MYZAP: variants seen among roughly 807,000 people sequenced by gnomAD.
MYZAP encodes the protein GRINL1A complex locus upstream.
MYZAP carries 66 observed loss-of-function variants against 69.4 expected under a neutral mutation model. That is an observed-to-expected ratio of 0.95 (90% CI 0.78 to 1.17). The LOEUF is 1.17. Among genes scored for constraint, MYZAP ranks in the 50% most tolerant of loss-of-function variants. The pLI is 0.00. For missense variants in MYZAP, 611 were observed against 556.2 expected (o/e 1.10, Z -0.99); for synonymous variants, 256 against 205.9 (o/e 1.24, Z -2.09).
In MYZAP at chr15:57,637,740, A is replaced by G; in HGVS notation, c.979A>G (p.Met327Val). 6.2e-7 allele frequency: 1 copy of G among 1,612,878 alleles called. No homozygotes were observed. Among genetic ancestry groups the G allele is most frequent in the Non-Finnish European group, 8.5e-7 (1 of 1,179,442 alleles). ...TCAACTCCTAGAACATGAAACAGAA[A>G]TGTCTGGGGAGTTAACTGATTCTGA... ...QLQLLEHETE[M>V]SGELTDSDKE... The change falls in exon 9 of 13, where the codon ATG becomes GTG. Residue 327 changes from methionine to valine, a missense_variant. Physicochemically the swap from Met to Val is conservative, Grantham distance 21. Transcript: ENST00000267853.
intron 2 of MYZAP, among the ~76,000 whole-genome samples, chr15:57,616,821 G>GTTTTTTTTTTTTTT (rs1595870389): frequency 5.6e-5 from 3 of 53,318 alleles, no homozygotes; most frequent in African/African-American, 9.0e-5. Flanking sequence ...AAAAAAAAGT[G>GTTTTTTTTTTTTTT]CTTTTTTTTT....
At chr15:57,647,820 T>G (rs2037519455) in intron 10 of MYZAP, 1 of 985,290 alleles carries the variant, frequency 1.0e-6, no homozygotes, top group Admixed American at 6.2e-5. Flanking sequence ...CTCAGCCTGC[T>G]CTTGTCTGCC....
At chr15:57,677,415 G>A (rs1166220634) in intron 12 of MYZAP, among the ~76,000 whole-genome samples, 1 of 152,188 alleles carries the variant, frequency 6.6e-6, no homozygotes, top group Non-Finnish European at 1.5e-5. Flanking sequence ...GTGATTCACT[G>A]GAAGCCACAT....
intron 10 of MYZAP, among the ~76,000 whole-genome samples, chr15:57,653,832 C>T (rs7167650): frequency 6.6e-6 from 1 of 151,734 alleles, no homozygotes; most frequent in African/African-American, 2.4e-5. Flanking sequence ...TAGCGAGACC[C>T]TGTCTCTACA....
In MYZAP at chr15:57,662,576, G is replaced by A. The variant is rs550089399; in HGVS notation, c.1203+1043G>A. Among the ~76,000 whole-genome samples the A allele has an allele frequency of 1.5e-4, 23 of 152,346 alleles. No individual in the cohort carries two copies. The South Asian group carries it at 4.8e-3, about 32-fold the overall frequency. On this transcript the variant is annotated intron_variant, in intron 11 of 12. Coordinates refer to ENST00000267853, the MANE Select transcript of MYZAP (RefSeq NM_001018100.5). The stretch of plus-strand genomic sequence containing the variant: ...ATAACTGTGCTATGTGTGGGTGACA[G>A]TGAAATCAGAATGTATAGAAGGTGC...
chr15:57,646,353 G>T (rs1236308535), intron 10 of MYZAP: 27 of 1,180,508 alleles, frequency 2.3e-5, no homozygotes, highest in Non-Finnish European at 2.9e-5. Flanking sequence ...ACCATGTGGG[G>T]CTCTTGTTTG....
intron 5 of MYZAP, 49 bp downstream of exon 5, chr15:57,625,941 G>C (rs750443938): frequency 1.3e-6 from 2 of 1,526,834 alleles, no homozygotes; most frequent in East Asian, 4.5e-5. Flanking sequence ...TTAATCAAGA[G>C]TGGGGACTGT....
chr15:57,683,398 G>T (rs1347982435), intron 12 of MYZAP, among the ~76,000 whole-genome samples: 2 of 152,110 alleles, frequency 1.3e-5, no homozygotes, highest in Non-Finnish European at 2.9e-5. Flanking sequence ...AAAGAAGAAT[G>T]CCCAGCACAG....
intron 9 of MYZAP, among the ~76,000 whole-genome samples, chr15:57,638,869 C>G (rs1328266502): frequency 6.6e-6 from 1 of 152,152 alleles, no homozygotes; most frequent in African/African-American, 2.4e-5. Context: ...GTCCTCCCCT[C>G]CAAGTAATTT....
intron 10 of MYZAP, among the ~76,000 whole-genome samples, chr15:57,649,412 T>A (rs570573601): frequency 1.8e-4 from 27 of 152,334 alleles, no homozygotes; most frequent in Non-Finnish European, 3.5e-4. Flanking sequence ...TCTCATTGTT[T>A]TCATCTTAAT....
chr15:57,633,854 TAA>T (rs150236562), intron 8 of MYZAP, 113 bp downstream of exon 8: 200 of 1,040,410 alleles, frequency 1.9e-4, no homozygotes, highest in South Asian at 3.7e-4. Flanking sequence ...AATTTGCAAT[TAA>T]AAAAAAAAAG....
chr15:57,606,745 A>G (rs1226970924), intron 2 of MYZAP, among the ~76,000 whole-genome samples: 4 of 152,238 alleles, frequency 2.6e-5, no homozygotes, highest in African/African-American at 4.8e-5. Flanking sequence ...AAAATAAAAT[A>G]AAAGATATAC....
intron 1 of MYZAP, among the ~76,000 whole-genome samples, chr15:57,601,619 G>A (rs1173366479): frequency 6.6e-6 from 1 of 152,102 alleles, no homozygotes; most frequent in Non-Finnish European, 1.5e-5. Flanking sequence ...AAGGTTGCTT[G>A]TAAAGTTGGC....
At chr15:57,682,800 C>T (rs2039510513) in intron 12 of MYZAP, among the ~76,000 whole-genome samples, 1 of 152,184 alleles carries the variant, frequency 6.6e-6, no homozygotes, top group Non-Finnish European at 1.5e-5. Context: ...GTGTGCTCAC[C>T]CATCTCTGCC....
chr15:57,608,435 C>G (rs148414500), intron 2 of MYZAP, among the ~76,000 whole-genome samples: 105 of 152,330 alleles, frequency 6.9e-4, no homozygotes, highest in African/African-American at 2.5e-3. Flanking sequence ...TCAGCACCTT[C>G]TTATGGAGTC....
chr15:57,603,784 G>C (rs757593714), intron 1 of MYZAP, among the ~76,000 whole-genome samples: 6 of 152,112 alleles, frequency 3.9e-5, no homozygotes, highest in Non-Finnish European at 7.4e-5. Context: ...GGATAATGCT[G>C]CTATGAACAT....
rs191929452 is a variant in MYZAP, at chr15:57,611,378, A to G, written c.163-6655A>G. Among the ~76,000 whole-genome samples, 926 of 152,294 alleles carry G rather than the reference A, an allele frequency of 6.1e-3. 7 individuals carry two copies. The highest frequency in any genetic ancestry group is 0.011 in the Admixed American group (175 of 15,296). On this transcript the variant is annotated intron_variant, in intron 2 of 12. Transcript: ENST00000267853. The stretch of plus-strand genomic sequence containing the variant: ...TAGGATATTTACATTTTATCAGTCA[A>G]GGTTACCGAAGGTGTGTACTATACC...
intron 2 of MYZAP, among the ~76,000 whole-genome samples, chr15:57,606,723 TATAATA>T (rs3051227): frequency 4.7e-4 from 72 of 151,636 alleles, no homozygotes; most frequent in African/African-American, 1.7e-3. Flanking sequence ...AAACTTAAAG[TATAATA>T]ATAATAAAAT....
At chr15:57,672,660 G>T (rs911792429) in intron 11 of MYZAP, among the ~76,000 whole-genome samples, 10 of 152,180 alleles carry the variant, frequency 6.6e-5, no homozygotes, top group Admixed American at 3.9e-4. Context: ...CCTTGCTATT[G>T]TAAGATTGAT....
Sources: allele counts gnomAD v4.1 joint callset (sites outside exome capture counted in the v4.1 genomes callset), GRCh38; gene constraint gnomAD v4.1.1; transcripts MANE v1.5; gene names NCBI Gene and HGNC (gene_info 2026-07-23, HGNC 2026-07-21).